ABCA10: variants seen among roughly 807,000 people sequenced by gnomAD.
ABCA10 encodes ATP binding cassette subfamily A member 10, also known as ATP-binding cassette sub-family A member 10.
Under a neutral mutation model 187.5 loss-of-function variants are expected in ABCA10, and 169 were observed. That is an observed-to-expected ratio of 0.90 (90% CI 0.80 to 1.02). The LOEUF (loss-of-function observed/expected upper bound fraction) is 1.02, where lower values mean the gene tolerates loss of function less well. ABCA10 is among the 50% of genes least tolerant of loss of function. The pLI is 0.00. For synonymous variants in ABCA10, 574 were observed against 601.8 expected (o/e 0.95, Z 0.68); for missense variants, 1,727 against 1,812.4 (o/e 0.95, Z 0.86).
intron 1 of ABCA10, among the ~76,000 whole-genome samples, chr17:69,236,172 G>A (rs1463613750): frequency 3.3e-5 from 5 of 152,158 alleles, no homozygotes; most frequent in African/African-American, 1.2e-4. Flanking sequence ...TGTAAGCAAA[G>A]CTATTCAAAC....
intron 4 of ABCA10, 59 bp from the exon 5 acceptor site, chr17:69,221,954 A>G: frequency 1.5e-6 from 2 of 1,322,908 alleles, no homozygotes; most frequent in Non-Finnish European, 1.0e-6. Context: ...TCCTGGAATT[A>G]AAACTTTAAC....
At chr17:69,243,731 C>T (rs2074921240) in intron 1 of ABCA10, among the ~76,000 whole-genome samples, 8 of 152,132 alleles carry the variant, frequency 5.3e-5, no homozygotes, top group South Asian at 4.1e-4. Flanking sequence ...AACCCCATCT[C>T]TACAAAAAAT....
At chr17:69,227,384 C>T (rs2074803054) in intron 1 of ABCA10, 99 bp from the exon 2 acceptor site, 1 of 151,200 alleles carries the variant, frequency 6.6e-6, no homozygotes, top group East Asian at 1.9e-4. Context: ...CCTTATATGA[C>T]ACTGTAGCAA....
At chr17:69,174,542 A>G (rs1405085235) in intron 24 of ABCA10, 65 bp downstream of exon 24, 4 of 1,489,724 alleles carry the variant, frequency 2.7e-6, no homozygotes, top group South Asian at 1.4e-5. Context: ...CAAAACATTC[A>G]TGAAAATGAA....
At chr17:69,193,325 T>C in intron 14 of ABCA10, 77 bp from the exon 15 acceptor site, 1 of 1,565,488 alleles carries the variant, frequency 6.4e-7, no homozygotes, top group South Asian at 1.2e-5. Context: ...AAAACAAGTA[T>C]GATTTCTAGA....
chr17:69,239,531 C>T (rs111897410), intron 1 of ABCA10, among the ~76,000 whole-genome samples: 2,340 of 152,196 alleles, frequency 0.015, 49 homozygotes, highest in African/African-American at 0.054. Context: ...CCTGCGATCA[C>T]CCTACAGACA....
chr17:69,177,969 A>ATAT (rs1293769286), intron 22 of ABCA10, among the ~76,000 whole-genome samples: 31 of 55,000 alleles, frequency 5.6e-4, no homozygotes, highest in African/African-American at 1.1e-3. Flanking sequence ...AAAAAAAAAA[A>ATAT]AAAAATATAT....
chr17:69,190,332 T>A lies in ABCA10; in HGVS notation c.2131+26A>T, dbSNP rs2074450649. On this transcript the variant is annotated intron_variant, in intron 18 of 38. Transcript: ENST00000690296. ...TTTCTCTTCTCTTTTTTTTCTTAAT[T>A]TTCTGCTAGACACACATTTTTATAC... 3.9e-6 allele frequency: 6 copies of A among 1,524,568 alleles called. No homozygotes were observed. In the East Asian group the frequency reaches 1.5e-4, roughly 37 times the overall value. 94.4% of individuals were successfully genotyped at this position (1,524,568 alleles called of 1,614,324 possible).
intron 10 of ABCA10, among the ~76,000 whole-genome samples, chr17:69,198,321 T>C (rs947777104): frequency 1.3e-5 from 2 of 152,180 alleles, no homozygotes; most frequent in Admixed American, 1.3e-4. Flanking sequence ...CCTTCTGCAA[T>C]GCGGAGGACA....
At chr17:69,206,892 T>C (rs1406850020) in intron 9 of ABCA10, among the ~76,000 whole-genome samples, 2 of 152,032 alleles carry the variant, frequency 1.3e-5, no homozygotes. Flanking sequence ...CCCAGAAGCA[T>C]GAGCAACAAA....
At position 69,211,314 on chromosome 17, in the gene ABCA10, GATATATATATAT is replaced by G. The variant is rs58580286; in HGVS notation, c.1006+3378_1006+3389del. ...TATCATATATATACATCATATATAT[GATATATATATAT>G]ATATATATATATATATATATATATA... On this transcript the variant is annotated intron_variant, in intron 9 of 38. Coordinates refer to ENST00000690296, the MANE Select transcript of ABCA10 (RefSeq NM_001377321.1). 5.3e-3 allele frequency among the ~76,000 whole-genome samples: 160 copies of G among 30,324 alleles called. 2 individuals carry two copies. Among genetic ancestry groups the G allele is most frequent in the Middle Eastern group, 0.016 (1 of 62 alleles). The allele number at this position is 30,324 out of a possible 152,430, so 19.9% of individuals were successfully genotyped here. A position where few individuals can be genotyped will look rare whatever the true frequency, so the allele number is the denominator to read the frequency against.
Position 69,152,446 on chromosome 17 carries a change from C to T in ABCA10, c.4172G>A (p.Arg1391Lys). 1.2e-6 allele frequency: 2 copies of T among 1,613,876 alleles called. No individual in the cohort carries two copies. The highest frequency in any genetic ancestry group is 2.2e-5 in the South Asian group (2 of 91,042). Residue 1391 changes from arginine (R) to lysine (K), a missense_variant, in exon 35 of 39, where the codon AGG (arginine) becomes AAG (lysine). Physicochemically the swap from Arg to Lys is conservative, Grantham distance 26 (BLOSUM62 2). Transcript: ENST00000690296. Reference sequence around the variant, plus strand: ...GTAATGGGTGGTCAAGAGGGTGCCCCTCTCCTTGTTTTTAACGGTAGCCTG... The same window carrying T: ...GTAATGGGTGGTCAAGAGGGTGCCCTTCTCCTTGTTTTTAACGGTAGCCTG... ...ILQATVKNKERGTLLTTHYMS... is the reference protein window; with the variant it reads ...ILQATVKNKEKGTLLTTHYMS...
chr17:69,150,911 T>A (rs1256390834), intron 36 of ABCA10, among the ~76,000 whole-genome samples: 1 of 152,212 alleles, frequency 6.6e-6, no homozygotes, highest in African/African-American at 2.4e-5. Flanking sequence ...GTGGTGGTAC[T>A]GTCCACACAG....
chr17:69,219,438 T>C (rs1003481413), intron 6 of ABCA10, 107 bp downstream of exon 6: 4 of 725,276 alleles, frequency 5.5e-6, no homozygotes, highest in South Asian at 2.9e-5. Flanking sequence ...GGTGATTAAA[T>C]TGAATACGTG....
rs150471514 is a variant in ABCA10 at position 69,226,722 on chromosome 17, C to T, written c.-172+423G>A. 2.8e-3 allele frequency among the ~76,000 whole-genome samples: 426 copies of T among 151,982 alleles called. 2 individuals are homozygous for T. The highest frequency in any genetic ancestry group is 9.8e-3 in the African/African-American group (405 of 41,496). Reference sequence around the variant, plus strand: ...CCTTACCAAATAACATGACATTAATCGAAATGTCCCCAAATAGTATCAGGG... The same window carrying T: ...CCTTACCAAATAACATGACATTAATTGAAATGTCCCCAAATAGTATCAGGG... On this transcript the variant is annotated intron_variant, in intron 2 of 38. Transcript: ENST00000690296.
chr17:69,211,935 T>C (rs2144833775), intron 9 of ABCA10, among the ~76,000 whole-genome samples: 1 of 152,188 alleles, frequency 6.6e-6, no homozygotes, highest in East Asian at 1.9e-4. Flanking sequence ...GAACCAGCTT[T>C]TTGTTTCATT....
intron 6 of ABCA10, among the ~76,000 whole-genome samples, chr17:69,218,828 G>A (rs927736886): frequency 3.3e-5 from 5 of 152,082 alleles, no homozygotes; most frequent in African/African-American, 9.7e-5. Flanking sequence ...CTATGTGACC[G>A]GGCCTCAGTG....
At chr17:69,208,788 G>T (rs2074612714) in intron 9 of ABCA10, among the ~76,000 whole-genome samples, 1 of 152,132 alleles carries the variant, frequency 6.6e-6, no homozygotes. Context: ...TGTAATCCCA[G>T]CACTTTAGGT....
intron 25 of ABCA10, among the ~76,000 whole-genome samples, chr17:69,172,575 C>A (rs1259221066): frequency 6.6e-6 from 1 of 152,014 alleles, no homozygotes; most frequent in Non-Finnish European, 1.5e-5. Context: ...TTCCTTAAGC[C>A]TCCCAGTCTG....
Sources: gnomAD v4.1 joint callset for allele counts (sites outside exome capture counted in the v4.1 genomes callset) on GRCh38, gnomAD v4.1.1 for gene constraint, MANE v1.5 for transcripts, NCBI Gene and HGNC (gene_info 2026-07-23, HGNC 2026-07-21) for gene names.